Variants in RPSA2 observed in about 807,000 individuals in gnomAD.
RPSA2 encodes the protein small ribosomal subunit protein uS2B.
chr19:23,796,996 A>G, the RPSA2 span, among the ~76,000 whole-genome samples: 3 of 151,640 alleles, frequency 2.0e-5, no homozygotes, highest in East Asian at 1.9e-4. Flanking sequence ...CAGGTTGTCA[A>G]ATGAAGATCT....
the RPSA2 span, among the ~76,000 whole-genome samples, chr19:23,835,344 A>G: frequency 2.0e-5 from 3 of 148,882 alleles, no homozygotes; most frequent in South Asian, 4.3e-4. Context: ...ATTATGGAGT[A>G]AGTCTGTTTG....
At chr19:23,857,575 C>T in the RPSA2 span, among the ~76,000 whole-genome samples, 2 of 148,222 alleles carry the variant, frequency 1.3e-5, no homozygotes, top group South Asian at 4.4e-4. Flanking sequence ...ACTGCAACCT[C>T]CACCTTCCAA....
the RPSA2 span, among the ~76,000 whole-genome samples, chr19:23,785,926 CAGTG>C: frequency 2.0e-5 from 3 of 152,138 alleles, no homozygotes; most frequent in Non-Finnish European, 2.9e-5. Context: ...TCTTGTGGTA[CAGTG>C]AGTGTCATTC....
chr19:23,869,803 A>G, the RPSA2 span, among the ~76,000 whole-genome samples: 1 of 152,190 alleles, frequency 6.6e-6, no homozygotes, highest in East Asian at 1.9e-4. Flanking sequence ...CCGGGTAGGA[A>G]CACTCTCTAA....
At chr19:23,835,595 C>CT in the RPSA2 span, among the ~76,000 whole-genome samples, 23 of 119,612 alleles carry the variant, frequency 1.9e-4, no homozygotes, top group Non-Finnish European at 2.6e-4. Context: ...CCGTAATATT[C>CT]TTTTTTTGTT....
At chr19:23,838,861 T>C in the RPSA2 span, among the ~76,000 whole-genome samples, 2 of 152,236 alleles carry the variant, frequency 1.3e-5, no homozygotes, top group African/African-American at 4.8e-5. Context: ...TTGCTAATGA[T>C]GTATCAATTT....
At chr19:23,815,304 AC>A in the RPSA2 span, among the ~76,000 whole-genome samples, 1 of 152,236 alleles carries the variant, frequency 6.6e-6, no homozygotes, top group Admixed American at 6.5e-5. Context: ...TGTTCTCCAA[AC>A]CTTATTCTGC....
the RPSA2 span, chr19:23,819,104 A>C: frequency 6.6e-6 from 1 of 152,218 alleles, no homozygotes; most frequent in Non-Finnish European, 1.5e-5. Context: ...TGAGCAAAGC[A>C]ACAGGACAAT....
chr19:23,846,132 A>G, the RPSA2 span, among the ~76,000 whole-genome samples: 1 of 152,120 alleles, frequency 6.6e-6, no homozygotes, highest in Non-Finnish European at 1.5e-5. Flanking sequence ...TTGATATAAG[A>G]CAGATACTGC....
the RPSA2 span, among the ~76,000 whole-genome samples, chr19:23,847,716 A>G: frequency 2.0e-5 from 3 of 152,316 alleles, no homozygotes; most frequent in African/African-American, 7.2e-5. Context: ...CAATCCTAGT[A>G]AGCCTGAGGG....
the RPSA2 span, among the ~76,000 whole-genome samples, chr19:23,764,633 C>T: frequency 6.6e-6 from 1 of 151,988 alleles, no homozygotes; most frequent in African/African-American, 2.4e-5. Context: ...GCTGCCACCA[C>T]TGTGCCCTGC....
the RPSA2 span, among the ~76,000 whole-genome samples, chr19:23,792,805 GC>G: frequency 6.6e-6 from 1 of 151,970 alleles, no homozygotes; most frequent in South Asian, 2.1e-4. Flanking sequence ...GAGCCACCGC[GC>G]CAGGCCAAGA....
chr19:23,794,158 A>G, the RPSA2 span, among the ~76,000 whole-genome samples: 2 of 152,154 alleles, frequency 1.3e-5, no homozygotes, highest in Non-Finnish European at 2.9e-5. Flanking sequence ...GCTGCAGTGA[A>G]CACGCTTGTG....
the RPSA2 span, among the ~76,000 whole-genome samples, chr19:23,805,818 T>C: frequency 1.3e-5 from 2 of 152,176 alleles, no homozygotes; most frequent in African/African-American, 4.8e-5. Flanking sequence ...TAACTACTTT[T>C]ATAAATGCTT....
chr19:23,763,254 C>T, the RPSA2 span: 1 of 152,682 alleles, frequency 6.5e-6, no homozygotes, highest in African/African-American at 2.4e-5. Context: ...GCAGCTCCGT[C>T]CCAGGCCCCT....
the RPSA2 span, among the ~76,000 whole-genome samples, chr19:23,845,411 A>G: frequency 1.3e-5 from 2 of 151,702 alleles, no homozygotes; most frequent in African/African-American, 4.8e-5. Flanking sequence ...CTGCCCTCTT[A>G]GTACTATATT....
the RPSA2 span, among the ~76,000 whole-genome samples, chr19:23,867,134 C>A: frequency 6.6e-6 from 1 of 152,108 alleles, no homozygotes; most frequent in Non-Finnish European, 1.5e-5. Flanking sequence ...AATAGACCCA[C>A]CTGTTTGGTA....
At chr19:23,799,825 T>C in the RPSA2 span, among the ~76,000 whole-genome samples, 8 of 152,252 alleles carry the variant, frequency 5.3e-5, no homozygotes, top group African/African-American at 1.9e-4. Flanking sequence ...TGTCATTGAA[T>C]ATAACCAATT....
At chr19:23,859,416 G>A in the RPSA2 span, among the ~76,000 whole-genome samples, 56 of 152,120 alleles carry the variant, frequency 3.7e-4, no homozygotes, top group African/African-American at 1.2e-3. Context: ...ATCACCTGAT[G>A]TCAGGAGTTC....
Sources: allele counts gnomAD v4.1 joint callset (sites outside exome capture counted in the v4.1 genomes callset), GRCh38; gene constraint gnomAD v4.1.1; transcripts MANE v1.5; gene names NCBI Gene and HGNC (gene_info 2026-07-23, HGNC 2026-07-21).